Variants in HERPUD2 observed in about 807,000 individuals in gnomAD.
HERPUD2 encodes homocysteine-responsive endoplasmic reticulum-resident ubiquitin-like domain member 2 protein.
A neutral mutation model predicts 49.9 loss-of-function variants in HERPUD2; 13 were observed. That is an observed-to-expected ratio of 0.26 (90% CI 0.17 to 0.41). HERPUD2 has a LOEUF of 0.41. Among genes scored for constraint, HERPUD2 ranks in the 10% least tolerant of loss-of-function variants. HERPUD2 has a pLI of 1.00. For missense variants in HERPUD2, 449 were observed against 492.2 expected (o/e 0.91, Z 0.83); for synonymous variants, 172 against 171.4 (o/e 1.00, Z -0.03).
intron 5 of HERPUD2, among the ~76,000 whole-genome samples, chr7:35,664,808 T>G (rs1785502852): frequency 6.6e-6 from 1 of 152,128 alleles, no homozygotes; most frequent in Non-Finnish European, 1.5e-5. Flanking sequence ...TTTTTCAAGG[T>G]TTTTAAGCTT....
At chr7:35,670,438 C>T (rs541226475) in intron 3 of HERPUD2, 110 bp from the exon 4 acceptor site, 1 of 416,850 alleles carries the variant, frequency 2.4e-6, no homozygotes, top group African/African-American at 2.1e-5. Flanking sequence ...CGAGCCTAGC[C>T]ATTTAATTAC....
chr7:35,635,543 G>GT, intron 6 of HERPUD2, 85 bp from the exon 7 acceptor site: 1 of 1,139,458 alleles, frequency 8.8e-7, no homozygotes, highest in Non-Finnish European at 1.2e-6. Context: ...GGAGCTATAT[G>GT]TATTTTTCAT....
At chr7:35,661,191 A>G (rs1785412147) in intron 5 of HERPUD2, among the ~76,000 whole-genome samples, 1 of 151,028 alleles carries the variant, frequency 6.6e-6, no homozygotes, top group African/African-American at 2.4e-5. Flanking sequence ...ATGGCTGTAG[A>G]TGTGTGGTAT....
At chr7:35,682,373 A>AC in intron 2 of HERPUD2, among the ~76,000 whole-genome samples, 1 of 139,664 alleles carries the variant, frequency 7.2e-6, no homozygotes, top group Non-Finnish European at 1.5e-5. Flanking sequence ...ATATATATAT[A>AC]TATATATATA....
chr7:35,642,771 C>G (rs1364887031), intron 5 of HERPUD2, among the ~76,000 whole-genome samples: 1 of 152,058 alleles, frequency 6.6e-6, no homozygotes, highest in Non-Finnish European at 1.5e-5. Flanking sequence ...CACATGGACA[C>G]AAAGAGGAGA....
intron 5 of HERPUD2, among the ~76,000 whole-genome samples, chr7:35,652,211 G>A (rs1253950839): frequency 2.6e-5 from 4 of 152,082 alleles, no homozygotes; most frequent in African/African-American, 4.8e-5. Context: ...ACCACGGTGC[G>A]CTCAGTCCTC....
chr7:35,665,550 G>A (rs998633111), intron 5 of HERPUD2, among the ~76,000 whole-genome samples: 11 of 152,156 alleles, frequency 7.2e-5, no homozygotes, highest in Non-Finnish European at 1.2e-4. Flanking sequence ...GGAATTCCCC[G>A]ACCCCTTGCG....
chr7:35,677,148 C>T (rs1315000477), intron 2 of HERPUD2, among the ~76,000 whole-genome samples: 1 of 152,114 alleles, frequency 6.6e-6, no homozygotes, highest in Admixed American at 6.5e-5. Flanking sequence ...TTGGATTGCC[C>T]TTACAATGCT....
At position 35,685,248 on chromosome 7, in the gene HERPUD2, C is replaced by T. The variant is rs186523347; in HGVS notation, c.147+8936G>A. Among the ~76,000 whole-genome samples, 914 of 147,564 alleles carry T rather than the reference C, an allele frequency of 6.2e-3. 8 individuals carry two copies. The highest frequency in any genetic ancestry group is 0.019 in the African/African-American group (768 of 40,270). On this transcript the variant is annotated intron_variant, in intron 2 of 8. Transcript: ENST00000311350. Reference sequence around the variant, plus strand: ...GAGAGACTGTCTCAAAAAAAAAAAACAGAAAAGAAAACAGAAACATTATTA... The same window carrying T: ...GAGAGACTGTCTCAAAAAAAAAAAATAGAAAAGAAAACAGAAACATTATTA...
intron 2 of HERPUD2, among the ~76,000 whole-genome samples, chr7:35,692,498 GAA>G (rs1458717900): frequency 6.6e-6 from 1 of 152,196 alleles, no homozygotes; most frequent in Non-Finnish European, 1.5e-5. Context: ...AAAAATGTGT[GAA>G]ACTAATCATA....
chr7:35,651,518 T>C (rs867193083), intron 5 of HERPUD2, among the ~76,000 whole-genome samples: 1 of 152,230 alleles, frequency 6.6e-6, no homozygotes, highest in South Asian at 2.1e-4. Context: ...CACTATGGTA[T>C]ACATACAGAA....
intron 2 of HERPUD2, among the ~76,000 whole-genome samples, chr7:35,686,646 G>A (rs1338247637): frequency 3.2e-5 from 4 of 123,146 alleles, no homozygotes; most frequent in African/African-American, 3.0e-5. Flanking sequence ...GTGAACCCGG[G>A]AGGCGGAGCT....
At chr7:35,690,604 C>T (rs774875257) in intron 2 of HERPUD2, among the ~76,000 whole-genome samples, 9 of 152,212 alleles carry the variant, frequency 5.9e-5, no homozygotes, top group Non-Finnish European at 1.2e-4. Flanking sequence ...GAGGTCAGGA[C>T]TTTGATACCA....
chr7:35,633,883 G>A, intron 8 of HERPUD2, 32 bp from the exon 9 acceptor site: 1 of 1,599,684 alleles, frequency 6.3e-7, no homozygotes. Flanking sequence ...ATACTCCTGA[G>A]TGATATGAAC....
intron 5 of HERPUD2, among the ~76,000 whole-genome samples, chr7:35,642,636 T>C (rs138758063): frequency 1.3e-5 from 2 of 152,084 alleles, no homozygotes; most frequent in East Asian, 3.9e-4. Context: ...TAAAAGAAAA[T>C]GAGATCATGT....
At chr7:35,658,848 T>C (rs1785347063) in intron 5 of HERPUD2, among the ~76,000 whole-genome samples, 1 of 152,232 alleles carries the variant, frequency 6.6e-6, no homozygotes, top group Non-Finnish European at 1.5e-5. Context: ...TATTGCTTTG[T>C]CCTTCTCATG....
intron 5 of HERPUD2, among the ~76,000 whole-genome samples, chr7:35,641,124 T>C (rs1321858330): frequency 5.9e-5 from 9 of 152,196 alleles, no homozygotes; most frequent in African/African-American, 1.4e-4. Context: ...AAAGAACTGA[T>C]AGAATAATCA....
rs141072768 is a variant in HERPUD2 at position 35,667,528 on chromosome 7, C to G, written c.400G>C (p.Val134Leu). 1.9e-6 allele frequency: 3 copies of G among 1,613,706 alleles called. No individual in the cohort carries two copies. Among genetic ancestry groups the G allele is most frequent in the Non-Finnish European group, 2.5e-6 (3 of 1,179,682 alleles). Residue 134 changes from valine (V) to leucine (L), a missense_variant, in exon 5 of 9, where the codon GTG becomes CTG. Coordinates refer to ENST00000311350, the MANE Select transcript of HERPUD2 (RefSeq NM_022373.5). ...SSGQETLSLA[V>L]GSSSEGLRQR... ...CTCAATCCTTCTGAGGAAGAACCCA[C>G]AGCTAAAGACAAGGTTTCTTGACCA...
At chr7:35,648,034 A>C (rs1785086959) in intron 5 of HERPUD2, among the ~76,000 whole-genome samples, 1 of 152,224 alleles carries the variant, frequency 6.6e-6, no homozygotes, top group African/African-American at 2.4e-5. Flanking sequence ...CTCAGATTAA[A>C]ACAAGGACAT....
Sources: allele counts gnomAD v4.1 joint callset (sites outside exome capture counted in the v4.1 genomes callset), GRCh38; gene constraint gnomAD v4.1.1; transcripts MANE v1.5; gene names NCBI Gene and HGNC (gene_info 2026-07-23, HGNC 2026-07-21).